The following ETFDH variants were observed in gnomAD, a reference collection of about 807,000 sequenced individuals.
ETFDH encodes electron transfer flavoprotein-ubiquinone oxidoreductase, mitochondrial.
Under a neutral mutation model 73.2 loss-of-function variants are expected in ETFDH, and 61 were observed. The observed-to-expected ratio is 0.83, with a 90% CI of 0.68 to 1.03. ETFDH has a LOEUF of 1.03. Among genes scored for constraint, ETFDH ranks in the 50% least tolerant of loss-of-function variants. The pLI, the probability that ETFDH is intolerant of heterozygous loss-of-function variation, is 0.00. For synonymous variants in ETFDH, 243 were observed against 253.3 expected, an observed-to-expected ratio of 0.96 and a Z score of 0.39; for missense variants, 685 against 745.0, an observed-to-expected ratio of 0.92 and a Z score of 0.94.
At chr4:158,706,571 TAAGA>T in intron 11 of ETFDH, 54 bp from the exon 12 acceptor site, 1 of 1,428,790 alleles carries the variant, frequency 7.0e-7, no homozygotes, top group Non-Finnish European at 9.9e-7. Flanking sequence ...CAAATAGGCT[TAAGA>T]AAAAGTACTT....
At position 158,685,190 on chromosome 4, in the gene ETFDH, G is replaced by C; in HGVS notation, c.577G>C (p.Glu193Gln). The C allele has an allele frequency of 1.2e-6, 2 of 1,608,690 alleles. No individual in the cohort carries two copies. Among genetic ancestry groups the C allele is most frequent in the Non-Finnish European group, 1.7e-6 (2 of 1,175,234 alleles). ...MGEQAEALGVEVYPGYAAAEV... is the reference protein window; with the variant it reads ...MGEQAEALGVQVYPGYAAAEV... ...CGAACAAGCAGAAGCCCTTGGTGTT[G>C]AAGTATACCCTGGTTATGCAGCTGC... Residue 193 changes from glutamate to glutamine, a missense_variant, in exon 5 of 13, where the codon GAA becomes CAA. By Grantham distance (29) the Glu-to-Gln change is conservative. This residue lies in a region of ETFDH where 405 missense variants were observed against 399.3 expected (regional missense o/e 1.01). Coordinates refer to ENST00000511912, the MANE Select transcript of ETFDH (RefSeq NM_004453.4).
intron 5 of ETFDH, among the ~76,000 whole-genome samples, chr4:158,687,339 G>T (rs1774031581): frequency 6.6e-6 from 1 of 152,146 alleles, no homozygotes; most frequent in South Asian, 2.1e-4. Flanking sequence ...GGCCAGGGAA[G>T]GTCAGAGAGA....
At position 158,672,376 on chromosome 4, in the gene ETFDH, C is replaced by T; in HGVS notation, c.-81C>T. The T allele has an allele frequency of 1.4e-6, 2 of 1,463,162 alleles. No homozygotes were observed. The highest frequency in any genetic ancestry group is 1.9e-6 in the Non-Finnish European group (2 of 1,043,092). The allele number at this position is 1,463,162 out of a possible 1,614,324, so 90.6% of individuals were successfully genotyped here. A position where few individuals can be genotyped will look rare whatever the true frequency, so the allele number is the denominator to read the frequency against. ...TTCCGGCAGGTGATGGCGCCCCCCG[C>T]GGCCTAGAGGTCCAGCGCCCGCCGC... On this transcript the variant is annotated 5_prime_UTR_variant, in exon 1 of 13. Coordinates refer to ENST00000511912, the MANE Select transcript of ETFDH (RefSeq NM_004453.4).
At position 158,689,050 on chromosome 4, in the gene ETFDH, A is replaced by T. The variant is rs551355929; in HGVS notation, c.607-1298A>T. 5.3e-5 allele frequency among the ~76,000 whole-genome samples: 8 copies of T among 152,176 alleles called. No homozygotes were observed. In the South Asian group the frequency reaches 1.7e-3, roughly 32 times the overall value. ...CAATGGCTCCAAAGCCCTAAAAAAG[A>T]CATTCCTGGAATGCAGTTTAAAAAG... On this transcript the variant is annotated intron_variant, in intron 5 of 12. Coordinates refer to ENST00000511912, the MANE Select transcript of ETFDH (RefSeq NM_004453.4).
intron 8 of ETFDH, among the ~76,000 whole-genome samples, 172 bp from the exon 9 acceptor site, chr4:158,698,811 CCAAA>C (rs1270258131): frequency 6.6e-6 from 1 of 152,052 alleles, no homozygotes; most frequent in Non-Finnish European, 1.5e-5. Flanking sequence ...CTTTTCTTTT[CCAAA>C]CAGATTTTAT....
At chr4:158,686,281 A>G (rs752217896) in intron 5 of ETFDH, among the ~76,000 whole-genome samples, 2 of 152,198 alleles carry the variant, frequency 1.3e-5, no homozygotes, top group Non-Finnish European at 2.9e-5. Flanking sequence ...TAAGGGTCAT[A>G]GCTGACACTC....
intron 10 of ETFDH, 119 bp from the exon 11 acceptor site, chr4:158,706,070 G>T: frequency 1.4e-6 from 1 of 738,584 alleles, no homozygotes; most frequent in South Asian, 1.5e-5. Flanking sequence ...GACAGAGCAA[G>T]ACCTTGTCTC....
At chr4:158,684,739 G>T in intron 4 of ETFDH, 66 bp downstream of exon 4, 1 of 944,898 alleles carries the variant, frequency 1.1e-6, no homozygotes, top group South Asian at 1.3e-5. Flanking sequence ...CATTTCATCT[G>T]ACGAAATTTC....
In ETFDH at chr4:158,685,130, A is replaced by AT; in HGVS notation, c.519dup (p.Val174CysfsTer20). 2 of 1,610,816 alleles carry AT rather than the reference A, an allele frequency of 1.2e-6. No homozygotes were observed. Among genetic ancestry groups the AT allele is most frequent in the African/African-American group, 2.7e-5 (2 of 74,960 alleles). On this transcript the variant is annotated frameshift_variant, in exon 5 of 13. Coordinates refer to ENST00000511912, the MANE Select transcript of ETFDH (RefSeq NM_004453.4). LOFTEE classifies it high-confidence loss of function. ...TCCAATGAATAATCATGGCAATTAC[A>AT]TTGTACGCTTGGGACATTTAGTGAG...
At chr4:158,674,475 A>G (rs769256901) in intron 1 of ETFDH, among the ~76,000 whole-genome samples, 17 of 151,936 alleles carry the variant, frequency 1.1e-4, no homozygotes, top group Admixed American at 1.0e-3. Flanking sequence ...CTAATTTTGT[A>G]TTTTTAGTAG....
At position 158,672,636 on chromosome 4, in the gene ETFDH, T is replaced by A. The variant is rs112649720; in HGVS notation, c.34+146T>A. Reference sequence around the variant, plus strand: ...GCAAAGGTCACGCGCTGTCAGCCTGTTGGGGGACCCTGGCTTCCTCCCTCT... The same window carrying A: ...GCAAAGGTCACGCGCTGTCAGCCTGATGGGGGACCCTGGCTTCCTCCCTCT... On this transcript the variant is annotated intron_variant, in intron 1 of 12. Coordinates refer to ENST00000511912, the MANE Select transcript of ETFDH (RefSeq NM_004453.4). 3.9e-3 allele frequency: 3,200 copies of A among 825,924 alleles called. 51 individuals carry two copies. The highest frequency in any genetic ancestry group is 0.039 in the African/African-American group (2,296 of 59,372). The allele number at this position is 825,924 out of a possible 1,614,324, so 51.2% of individuals were successfully genotyped here. A position where few individuals can be genotyped will look rare whatever the true frequency, so the allele number is the denominator to read the frequency against.
rs1210249096 is a variant in ETFDH, at chr4:158,684,670, CCAGG to C, written c.485_487+1del. The C allele has an allele frequency of 5.3e-6, 8 of 1,512,746 alleles. No individual in the cohort carries two copies. Among genetic ancestry groups the C allele is most frequent in the Non-Finnish European group, 7.4e-6 (8 of 1,087,872 alleles). The allele number at this position is 1,512,746 out of a possible 1,614,324, so 93.7% of individuals were successfully genotyped here. A position where few individuals can be genotyped will look rare whatever the true frequency, so the allele number is the denominator to read the frequency against. On this transcript the variant is annotated splice_donor_variant and coding_sequence_variant, in exon 4 of 13. Transcript: ENST00000511912. LOFTEE classifies it high-confidence loss of function. ...ATACAGAATTCCTGTGCCAATTCTT[CCAGG>C]TAAGGTATAGTGAATATGCATAGAA... is the stretch of plus-strand genomic sequence containing the variant.
rs1298598030 is a variant in ETFDH at position 158,689,634 on chromosome 4, A to ATT, written c.607-713_607-712insTT. ...TATATATATATATATATATATATAT[A>ATT]TATTGTGGGGGGGTGGGTTCATATC... On this transcript the variant is annotated intron_variant, in intron 5 of 12. Coordinates refer to ENST00000511912, the MANE Select transcript of ETFDH (RefSeq NM_004453.4). 5.5e-5 allele frequency among the ~76,000 whole-genome samples: 5 copies of ATT among 91,076 alleles called. 1 individual carries two copies. Among genetic ancestry groups the ATT allele is most frequent in the African/African-American group, 1.2e-4 (3 of 24,074 alleles). 59.7% of individuals were successfully genotyped at this position (91,076 alleles called of 152,430 possible). A position where few individuals can be genotyped will look rare whatever the true frequency, so the allele number is the denominator to read the frequency against.
intron 9 of ETFDH, among the ~76,000 whole-genome samples, chr4:158,699,723 A>G (rs895021965): frequency 6.6e-6 from 1 of 152,224 alleles, no homozygotes; most frequent in Non-Finnish European, 1.5e-5. Flanking sequence ...TTTAGTTTTC[A>G]GCAAACATAA....
Position 158,685,193 on chromosome 4 carries a change from G to A in ETFDH, c.580G>A (p.Val194Ile), listed in dbSNP as rs1453188014. 1.0e-5 allele frequency: 16 copies of A among 1,606,076 alleles called. No individual in the cohort carries two copies. The highest frequency in any genetic ancestry group is 1.4e-5 in the Non-Finnish European group (16 of 1,172,850). Residue 194 changes from valine (V) to isoleucine (I), a missense_variant, in exon 5 of 13, where the codon GTA becomes ATA. This residue lies in a region of ETFDH where 405 missense variants were observed against 399.3 expected (regional missense o/e 1.01). Coordinates refer to ENST00000511912, the MANE Select transcript of ETFDH (RefSeq NM_004453.4). ...GEQAEALGVE[V>I]YPGYAAAEVL... The stretch of plus-strand genomic sequence containing the variant: ...ACAAGCAGAAGCCCTTGGTGTTGAA[G>A]TATACCCTGGTTATGCAGCTGCTGA...
At chr4:158,693,414 G>A (rs1050224986) in intron 6 of ETFDH, among the ~76,000 whole-genome samples, 7 of 152,186 alleles carry the variant, frequency 4.6e-5, no homozygotes, top group African/African-American at 1.7e-4. Flanking sequence ...CACCTGGTAA[G>A]TAGTAGGGCT....
intron 7 of ETFDH, among the ~76,000 whole-genome samples, chr4:158,695,953 G>A (rs1774298933): frequency 6.6e-6 from 1 of 152,026 alleles, no homozygotes. Context: ...TGCCCTGTTA[G>A]GATTGTTCTT....
At chr4:158,672,842 A>T (rs866024743) in intron 1 of ETFDH, among the ~76,000 whole-genome samples, 2 of 152,312 alleles carry the variant, frequency 1.3e-5, no homozygotes, top group Middle Eastern at 3.4e-3. Context: ...ATGGAAAAAA[A>T]AAAATCGTAT....
chr4:158,679,499 T>A (rs1334862790), intron 1 of ETFDH: 1 of 152,190 alleles, frequency 6.6e-6, no homozygotes, highest in South Asian at 2.1e-4. Flanking sequence ...TCTTCTGCTA[T>A]AAACTGAGAT....
Sources: allele counts gnomAD v4.1 joint callset (sites outside exome capture counted in the v4.1 genomes callset), GRCh38; gene constraint gnomAD v4.1.1; regional missense constraint gnomAD v4.1.1; transcripts MANE v1.5; gene names NCBI Gene and HGNC (gene_info 2026-07-23, HGNC 2026-07-21).